Variants in AARS1 observed in about 807,000 individuals in gnomAD.
The protein encoded by AARS1 is alanine--tRNA ligase, cytoplasmic.
AARS1 carries 72 observed loss-of-function variants against 108.9 expected under a neutral mutation model. The observed-to-expected ratio is 0.66, with a 90% CI of 0.55 to 0.80. The LOEUF (loss-of-function observed/expected upper bound fraction) is 0.80, where lower values mean the gene tolerates loss of function less well. Among genes scored for constraint, AARS1 ranks in the 30% least tolerant of loss-of-function variants. AARS1 has a pLI of 0.00. For missense variants in AARS1, 1,193 were observed against 1,233.2 expected (o/e 0.97, Z 0.49); for synonymous variants, 489 against 465.7 (o/e 1.05, Z -0.64).
intron 1 of AARS1, among the ~76,000 whole-genome samples, 169 bp downstream of exon 1, chr16:70,289,252 G>A (rs903379600): frequency 6.6e-6 from 1 of 151,992 alleles, no homozygotes; most frequent in Non-Finnish European, 1.5e-5. Context: ...CAGCGCTCCC[G>A]GGGGCGAACG....
At chr16:70,257,504 G>C (rs759000074) in intron 15 of AARS1, among the ~76,000 whole-genome samples, 10 of 152,152 alleles carry the variant, frequency 6.6e-5, no homozygotes, top group Admixed American at 2.0e-4. Context: ...TTCCCAAAAA[G>C]GCCCAGAGAG....
At chr16:70,256,123 G>C (rs577718909) in intron 15 of AARS1, among the ~76,000 whole-genome samples, 1 of 152,156 alleles carries the variant, frequency 6.6e-6, no homozygotes, top group South Asian at 2.1e-4. Flanking sequence ...TAGGCTCTAC[G>C]TGACAGTTTT....
intron 4 of AARS1, among the ~76,000 whole-genome samples, chr16:70,272,746 C>T (rs185261618): frequency 1.3e-5 from 2 of 150,560 alleles, no homozygotes; most frequent in Non-Finnish European, 2.9e-5. Flanking sequence ...TGCGAAACCC[C>T]GACTCTCTAA....
chr16:70,255,936 T>TGGCTTTTCC, intron 15 of AARS1, 100 bp from the exon 16 acceptor site: 4 of 1,122,088 alleles, frequency 3.6e-6, no homozygotes, highest in Non-Finnish European at 5.3e-6. Context: ...GGGTTGACAG[T>TGGCTTTTCC]CAGGGAAAGC....
Position 70,264,992 on chromosome 16 carries a change from C to T in AARS1, c.1458G>A (p.Lys486=). ...CACTGGAGTCCAAATGGTAATTGTA[C>T]TTTGGGGAATCATCTGTGACCTCCA... ...RGLEVTDDSP[K]YNYHLDSSGS... Residue 486 remains lysine, a synonymous_variant, in exon 11 of 21, where the codon AAG becomes AAA. Coordinates refer to ENST00000261772, the MANE Select transcript of AARS1 (RefSeq NM_001605.3). 1 of 1,614,142 alleles carries T rather than the reference C, an allele frequency of 6.2e-7. No homozygotes were observed. The highest frequency in any genetic ancestry group is 2.2e-5 in the East Asian group (1 of 44,882).
chr16:70,259,297 G>A (rs1960078583), intron 13 of AARS1, 111 bp from the exon 14 acceptor site: 1 of 1,135,800 alleles, frequency 8.8e-7, no homozygotes, highest in South Asian at 1.3e-5. Context: ...TGGCTGTGCA[G>A]AATAAAGGTT....
Position 70,267,942 on chromosome 16 carries a change from T to G in AARS1, c.1072-133A>C, listed in dbSNP as rs1313557054. The stretch of plus-strand genomic sequence containing the variant: ...TACCACTTTGGGAAGCCGAGGCAGG[T>G]GGATTGCCTGAGCTCAGGAGTTCAA... On this transcript the variant is annotated intron_variant, in intron 8 of 20. Coordinates refer to ENST00000261772, the MANE Select transcript of AARS1 (RefSeq NM_001605.3). The G allele has an allele frequency of 3.2e-6, 4 of 1,264,446 alleles. No homozygotes were observed. In the Admixed American group the frequency reaches 5.8e-5, roughly 18 times the overall value. 78.3% of individuals were successfully genotyped at this position (1,264,446 alleles called of 1,614,324 possible). A position where few individuals can be genotyped will look rare whatever the true frequency, so the allele number is the denominator to read the frequency against.
intron 12 of AARS1, among the ~76,000 whole-genome samples, chr16:70,261,735 T>C (rs947742396): frequency 1.4e-5 from 2 of 142,872 alleles, no homozygotes; most frequent in Non-Finnish European, 3.0e-5. Context: ...AGTGGCGCAA[T>C]CTCGGCTCAC....
intron 1 of AARS1, among the ~76,000 whole-genome samples, chr16:70,287,980 G>C (rs559309934): frequency 3.3e-5 from 5 of 152,118 alleles, no homozygotes; most frequent in Admixed American, 2.6e-4. Flanking sequence ...GGTCAGGCTG[G>C]TCTCGACCTC....
rs80222640 is a variant in AARS1, at chr16:70,255,661, A to G, written c.2286+67T>C. On this transcript the variant is annotated intron_variant, in intron 16 of 20. Transcript: ENST00000261772. Reference sequence around the variant, plus strand: ...AGCCACGCAGAGCAGTGTTTGCTCTATGGATTCGCAGACTGGGCTCCTCTT... The same window carrying G: ...AGCCACGCAGAGCAGTGTTTGCTCTGTGGATTCGCAGACTGGGCTCCTCTT... 358 of 1,411,052 alleles carry G rather than the reference A, an allele frequency of 2.5e-4. 2 individuals carry two copies. The East Asian group carries it at 7.9e-3, about 31-fold the overall frequency. 87.4% of individuals were successfully genotyped at this position (1,411,052 alleles called of 1,614,324 possible).
intron 4 of AARS1, among the ~76,000 whole-genome samples, chr16:70,274,349 G>GA (rs201413671): frequency 1.9e-4 from 28 of 150,160 alleles, no homozygotes; most frequent in East Asian, 9.7e-4. Context: ...CTCAAAAAAA[G>GA]AAAAAAAAAT....
At chr16:70,276,338 G>A (rs140091898) in intron 4 of AARS1, 148 bp downstream of exon 4, 10,709 of 882,254 alleles carry the variant, frequency 0.012, 106 homozygotes, top group Non-Finnish European at 0.017. Flanking sequence ...GGGTTCAAGC[G>A]ATTCTCTAGC....
At chr16:70,283,296 C>A (rs1351084155) in intron 1 of AARS1, among the ~76,000 whole-genome samples, 1 of 151,870 alleles carries the variant, frequency 6.6e-6, no homozygotes, top group East Asian at 1.9e-4. Flanking sequence ...ACTTGCGAGA[C>A]TGAGGCAGGA....
At chr16:70,269,852 A>G (rs551965168) in intron 6 of AARS1, 89 bp from the exon 7 acceptor site, 288 of 1,540,168 alleles carry the variant, frequency 1.9e-4, no homozygotes, top group Non-Finnish European at 2.4e-4. Flanking sequence ...ATTGAGGAGC[A>G]TTAGCAGAAA....
chr16:70,254,749 C>T lies in AARS1; in HGVS notation c.2287-15G>A, dbSNP rs774569911. 1.2e-5 allele frequency: 18 copies of T among 1,547,286 alleles called. No homozygotes were observed. The highest frequency in any genetic ancestry group is 1.0e-4 in the Admixed American group (6 of 59,782). The stretch of plus-strand genomic sequence containing the variant: ...TTCCTGAGGGCCTGGGAGGGGACAC[C>T]GGGTCAACCCCAAGCAGGAGGTCTG... On this transcript the variant is annotated splice_polypyrimidine_tract_variant and intron_variant, in intron 16 of 20. Transcript: ENST00000261772.
At chr16:70,270,462 G>A (rs924449223) in intron 5 of AARS1, 122 bp from the exon 6 acceptor site, 38 of 1,253,122 alleles carry the variant, frequency 3.0e-5, no homozygotes, top group African/African-American at 1.2e-4. Flanking sequence ...CCATTTGCCC[G>A]GTTTGGTGGG....
At chr16:70,265,409 G>A (rs1232971025) in intron 10 of AARS1, 129 bp downstream of exon 10, 1 of 1,431,752 alleles carries the variant, frequency 7.0e-7, no homozygotes, top group Non-Finnish European at 9.8e-7. Context: ...GCCCCCACTT[G>A]AGAACCACTG....
At chr16:70,276,876 T>A in intron 3 of AARS1, 90 bp downstream of exon 3, 1 of 1,467,140 alleles carries the variant, frequency 6.8e-7, no homozygotes, top group Non-Finnish European at 9.5e-7. Context: ...ATATTTCATA[T>A]TTTAAAACAT....
rs747669175 is a variant in AARS1 at position 70,270,221 on chromosome 16, A to T, written c.791T>A (p.Val264Asp). The change falls in exon 6 of 21, where the codon GTC (valine) becomes GAC (aspartate). Residue 264 changes from valine (V) to aspartate (D), a missense_variant. Val to Asp is a radical substitution (Grantham distance 152). Transcript: ENST00000261772. ...KMSNYDTDLFVPYFEAIQKGT... is the reference protein window; with the variant it reads ...KMSNYDTDLFDPYFEAIQKGT... ...CTTCTGAATGGCTTCAAAGTAAGGGACAAAAAGGTCAGTGTCATAGTTGGA... is the reference window on the plus strand; with the variant it reads ...CTTCTGAATGGCTTCAAAGTAAGGGTCAAAAAGGTCAGTGTCATAGTTGGA... The T allele has an allele frequency of 4.3e-6, 7 of 1,614,160 alleles. No individual in the cohort carries two copies. The highest frequency in any genetic ancestry group is 5.9e-6 in the Non-Finnish European group (7 of 1,180,022).
Sources: allele counts gnomAD v4.1 joint callset (sites outside exome capture counted in the v4.1 genomes callset), GRCh38; gene constraint gnomAD v4.1.1; transcripts MANE v1.5; gene names NCBI Gene and HGNC (gene_info 2026-07-23, HGNC 2026-07-21).